Variants in MYO10 observed in about 807,000 individuals in gnomAD.
MYO10 encodes unconventional myosin-X.
Under a neutral mutation model 257.3 loss-of-function variants are expected in MYO10, and 133 were observed. That is an observed-to-expected ratio of 0.52 (90% CI 0.45 to 0.60). The LOEUF is 0.60. Among genes scored for constraint, MYO10 ranks in the 20% least tolerant of loss-of-function variants. MYO10 has a pLI of 0.00. For synonymous variants in MYO10, 1,104 were observed against 1,028.6 expected (o/e 1.07, Z -1.40); for missense variants, 2,399 against 2,635.7 (o/e 0.91, Z 1.97).
rs1246563642 is a variant in MYO10, at chr5:16,701,811, G to A, written c.2584C>T (p.Leu862Phe). ...QEEETRKQQE[L>F]EALQKSQKEA... ...TTCTGGCTCTTCTGCAAGGCTTCGAGTTCTTGCTGCTTCCTCGTTTCTTCT... is the reference window on the plus strand; with the variant it reads ...TTCTGGCTCTTCTGCAAGGCTTCGAATTCTTGCTGCTTCCTCGTTTCTTCT... Residue 862 changes from leucine (L) to phenylalanine (F), a missense_variant, in exon 25 of 41, where the codon CTC (leucine) becomes TTC (phenylalanine). Leu to Phe is a conservative substitution (Grantham distance 22). Around this residue, in one of 3 missense-constraint regions of MYO10, gnomAD observed 1,820 missense variants for 1,939.4 expected, o/e 0.94. Coordinates refer to ENST00000513610, the MANE Select transcript of MYO10 (RefSeq NM_012334.3). The surrounding 1 kb of genome is among the most constrained non-coding windows in gnomAD (Gnocchi z 8.1). 1.9e-6 allele frequency: 3 copies of A among 1,606,014 alleles called. No individual in the cohort carries two copies. Among genetic ancestry groups the A allele is most frequent in the Non-Finnish European group, 2.5e-6 (3 of 1,177,422 alleles).
intron 2 of MYO10, among the ~76,000 whole-genome samples, chr5:16,869,373 G>A (rs893175007): frequency 6.6e-6 from 1 of 151,766 alleles, no homozygotes; most frequent in Non-Finnish European, 1.5e-5. Flanking sequence ...GGTCACCTGA[G>A]GCCAGGAGTT....
intron 6 of MYO10, 124 bp downstream of exon 6, chr5:16,781,581 T>C: frequency 9.7e-7 from 1 of 1,028,830 alleles, no homozygotes; most frequent in East Asian, 2.6e-5. Context: ...TAACTAACTG[T>C]CTAATTCGTT....
At chr5:16,899,243 T>TC (rs1351360492) in intron 1 of MYO10, among the ~76,000 whole-genome samples, 1 of 151,934 alleles carries the variant, frequency 6.6e-6, no homozygotes, top group Non-Finnish European at 1.5e-5. Context: ...TGTACAAAAT[T>TC]CCCCAGTGAC....
chr5:16,764,551 T>C (rs1740809975), intron 11 of MYO10, among the ~76,000 whole-genome samples, 155 bp from the exon 12 acceptor site: 1 of 152,230 alleles, frequency 6.6e-6, no homozygotes, highest in Non-Finnish European at 1.5e-5. Flanking sequence ...AGGACAGATA[T>C]CTAAAGAAAA....
intron 28 of MYO10, among the ~76,000 whole-genome samples, chr5:16,689,414 TA>T (rs1381614794): frequency 6.6e-6 from 1 of 152,150 alleles, no homozygotes; most frequent in African/African-American, 2.4e-5. Context: ...ATCAGTTACT[TA>T]AACAGCCATT....
intron 2 of MYO10, among the ~76,000 whole-genome samples, chr5:16,842,286 T>C (rs1175429300): frequency 6.6e-6 from 1 of 152,086 alleles, no homozygotes; most frequent in African/African-American, 2.4e-5. Context: ...AGCCCACCAC[T>C]GCACAAGAAG....
intron 15 of MYO10, 149 bp downstream of exon 15, chr5:16,762,396 T>C (rs1740743756): frequency 5.5e-6 from 4 of 733,348 alleles, no homozygotes; most frequent in African/African-American, 1.8e-5. Flanking sequence ...TTCAATTTAG[T>C]TCTAGTAATA....
At chr5:16,674,785 C>T (rs753922589) in intron 35 of MYO10, 68 bp downstream of exon 35, 38 of 1,552,202 alleles carry the variant, frequency 2.4e-5, no homozygotes, top group African/African-American at 9.6e-5. Context: ...TTTATCTGAA[C>T]GAGGACCCAG....
chr5:16,865,143 C>T (rs76792378), intron 2 of MYO10, among the ~76,000 whole-genome samples: 7,565 of 152,038 alleles, frequency 0.05, 270 homozygotes, highest in South Asian at 0.17. Flanking sequence ...AGATGGAGCA[C>T]TATTAAAGTT....
intron 1 of MYO10, among the ~76,000 whole-genome samples, chr5:16,888,412 A>C (rs1251167918): frequency 6.6e-6 from 1 of 151,870 alleles, no homozygotes; most frequent in Non-Finnish European, 1.5e-5. Context: ...CCTGACAAAC[A>C]TGGAGAAACC....
rs55735943 is a variant in MYO10 at position 16,702,554 on chromosome 5, G to A, written c.2545C>T (p.Arg849Cys). 43 of 1,591,332 alleles carry A rather than the reference G, an allele frequency of 2.7e-5. No individual in the cohort carries two copies. The East Asian group carries it at 5.9e-4, about 22-fold the overall frequency. The change falls in exon 24 of 41, where the codon CGC becomes TGC. Residue 849 changes from arginine (R) to cysteine (C), a missense_variant. This residue lies in a region of MYO10 where 1,820 missense variants were observed against 1,939.4 expected (regional missense o/e 0.94). Transcript: ENST00000513610. ...RERERREAEL[R>C]AQQEEETRKQ... ...ACTGCACTCATTACCTGCTGGGCGCGGAGCTCGGCTTCTCTTCGCTCTCTC... is the reference window on the plus strand; with the variant it reads ...ACTGCACTCATTACCTGCTGGGCGCAGAGCTCGGCTTCTCTTCGCTCTCTC...
At chr5:16,761,389 T>C in intron 17 of MYO10, 75 bp downstream of exon 17, 1 of 1,183,274 alleles carries the variant, frequency 8.5e-7, no homozygotes. Context: ...ATTTGTTCTA[T>C]ATTTGTGAAT....
At chr5:16,752,335 T>G (rs935751264) in intron 19 of MYO10, among the ~76,000 whole-genome samples, 2 of 152,122 alleles carry the variant, frequency 1.3e-5, no homozygotes, top group Non-Finnish European at 2.9e-5. Flanking sequence ...CAGGCTGGAG[T>G]GCAGTGGCGT....
At chr5:16,852,010 C>T (rs1404683036) in intron 2 of MYO10, among the ~76,000 whole-genome samples, 1 of 137,812 alleles carries the variant, frequency 7.3e-6, no homozygotes, top group African/African-American at 2.8e-5. Context: ...AAGATCGTGC[C>T]ACTGCACTCC....
intron 1 of MYO10, among the ~76,000 whole-genome samples, chr5:16,890,431 C>T (rs954051522): frequency 6.6e-6 from 1 of 151,770 alleles, no homozygotes; most frequent in African/African-American, 2.4e-5. Flanking sequence ...AAAACTTGTA[C>T]ACAAATGTTC....
At chr5:16,711,514 T>C (rs1738617693) in intron 19 of MYO10, among the ~76,000 whole-genome samples, 1 of 152,198 alleles carries the variant, frequency 6.6e-6, no homozygotes, top group Non-Finnish European at 1.5e-5. Context: ...CCGGGCACGG[T>C]GGCTCGCGCC....
intron 2 of MYO10, among the ~76,000 whole-genome samples, chr5:16,832,029 A>G (rs1743177765): frequency 6.6e-6 from 1 of 152,054 alleles, no homozygotes; most frequent in African/African-American, 2.4e-5. Context: ...CGCGGCCTCC[A>G]CCTCTTGGGT....
chr5:16,668,145 AC>A (rs1736262973), intron 40 of MYO10, 131 bp downstream of exon 40: 7 of 950,222 alleles, frequency 7.4e-6, no homozygotes, highest in Non-Finnish European at 1.1e-5. Context: ...AGGGACCACC[AC>A]ACTGTATTTT....
In MYO10 at chr5:16,679,815, G is replaced by A. The variant is rs182952318; in HGVS notation, c.4542+132C>T. 4.5e-4 allele frequency: 553 copies of A among 1,232,778 alleles called. 2 individuals carry two copies. The East Asian group carries it at 0.012, about 28-fold the overall frequency. The allele number at this position is 1,232,778 out of a possible 1,614,324, so 76.4% of individuals were successfully genotyped here. On this transcript the variant is annotated intron_variant, in intron 33 of 40. Coordinates refer to ENST00000513610, the MANE Select transcript of MYO10 (RefSeq NM_012334.3). ...GCTGGAATTACAGGCGTGAGCCACC[G>A]TGCCGGCCAACCAAGCACTAGTTTT...
Sources: gnomAD v4.1 joint callset for allele counts (sites outside exome capture counted in the v4.1 genomes callset) on GRCh38, gnomAD v4.1.1 for gene constraint, gnomAD v4.1.1 regional missense constraint, Gnocchi (gnomAD v3.1) non-coding constraint, MANE v1.5 for transcripts, NCBI Gene and HGNC (gene_info 2026-07-23, HGNC 2026-07-21) for gene names.